Variants in MAOA observed in about 807,000 individuals in gnomAD.
MAOA encodes monoamine oxidase A.
In MAOA, 6 loss-of-function variants were observed where a neutral mutation model predicts 42.0. That is an observed-to-expected ratio of 0.14 (90% CI 0.08 to 0.28). MAOA has a LOEUF of 0.28. Ranked by LOEUF, MAOA falls within the 10% of genes least tolerant of loss-of-function variation. The pLI, the probability that MAOA is intolerant of heterozygous loss-of-function variation, is 1.00. For synonymous variants in MAOA, 140 were observed against 154.0 expected (o/e 0.91, Z 0.67); for missense variants, 262 against 422.3 (o/e 0.62, Z 3.33).
At chrX:43,713,792 C>A (rs1301263569) in intron 5 of MAOA, among the ~76,000 whole-genome samples, 1 of 111,929 alleles carries the variant, frequency 8.9e-6, no homozygotes, top group Non-Finnish European at 1.9e-5. Context: ...ATGAAGCAAT[C>A]TTTAACCTGA....
chrX:43,660,194 G>A (rs2033220932), intron 1 of MAOA, among the ~76,000 whole-genome samples: 1 of 111,118 alleles, frequency 9.0e-6, no homozygotes, highest in South Asian at 3.8e-4. Context: ...CTATTTCTGA[G>A]TTGTTTCACT....
intron 10 of MAOA, among the ~76,000 whole-genome samples, chrX:43,736,577 G>A (rs1465235870): frequency 9.0e-6 from 1 of 111,566 alleles, no homozygotes; most frequent in Non-Finnish European, 1.9e-5. Context: ...TGTAGAAACC[G>A]AATCCCAATC....
At chrX:43,677,175 T>G (rs765064486) in intron 1 of MAOA, among the ~76,000 whole-genome samples, 1 of 111,827 alleles carries the variant, frequency 8.9e-6, no homozygotes, top group Admixed American at 9.5e-5. Flanking sequence ...ATGCCTGAGA[T>G]TTATGCCCTG....
intron 1 of MAOA, among the ~76,000 whole-genome samples, chrX:43,666,114 G>A (rs2033275274): frequency 8.9e-6 from 1 of 112,100 alleles, no homozygotes; most frequent in Non-Finnish European, 1.9e-5. Flanking sequence ...GCATGATTTT[G>A]TTTTCTTAGT....
Position 43,736,245 on chromosome X carries a change from A to G in MAOA, c.1071A>G (p.Lys357=). The change falls in exon 10 of 15, where the codon AAA becomes AAG. Residue 357 remains lysine (K), a synonymous_variant. Transcript: ENST00000338702. ...TCTCCAGCTTCATTCTTGCCCGGAAAGCTGATCGACTTGCTAAGCTACATA... is the reference window on the plus strand; with the variant it reads ...TCTCCAGCTTCATTCTTGCCCGGAAGGCTGATCGACTTGCTAAGCTACATA... ...PAIMGFILAR[K]ADRLAKLHKE... 8.3e-7 allele frequency: 1 copy of G among 1,198,327 alleles called. No individual in the cohort carries two copies. The highest frequency in any genetic ancestry group is 1.1e-6 in the Non-Finnish European group (1 of 885,454).
intron 1 of MAOA, among the ~76,000 whole-genome samples, chrX:43,656,859 T>C (rs2033184507): frequency 9.1e-6 from 1 of 109,699 alleles, no homozygotes; most frequent in Admixed American, 9.8e-5. Context: ...GCAGTACTAA[T>C]TCCTGAGGTG....
intron 2 of MAOA, among the ~76,000 whole-genome samples, chrX:43,689,029 C>CT (rs891292485): frequency 7.2e-5 from 8 of 111,332 alleles, no homozygotes; most frequent in African/African-American, 2.6e-4. Context: ...TTTATTCTGA[C>CT]TTTTTTTCCT....
rs184455758 is a variant in MAOA, at chrX:43,741,907, G to A, written c.1165-43G>A. ...GATATTATTGACTCGCAGCATTTCA[G>A]CTTTGTTTTCTCTTTTGTATTTTCT... On this transcript the variant is annotated intron_variant, in intron 11 of 14. Transcript: ENST00000338702. The A allele has an allele frequency of 2.1e-5, 25 of 1,207,082 alleles. No homozygotes were observed. The East Asian group carries it at 6.8e-4, about 33-fold the overall frequency.
chrX:43,736,884 A>G (rs114003258), intron 10 of MAOA, among the ~76,000 whole-genome samples: 1,132 of 110,821 alleles, frequency 0.01, 21 homozygotes, highest in African/African-American at 0.036. Context: ...TTTTAACATC[A>G]GAGTTATTTG....
At chrX:43,705,139 C>G (rs1026274230) in intron 3 of MAOA, among the ~76,000 whole-genome samples, 9 of 111,550 alleles carry the variant, frequency 8.1e-5, no homozygotes, top group Non-Finnish European at 1.7e-4. Context: ...CCCATAATAG[C>G]CAAAGCAGTT....
intron 10 of MAOA, 56 bp from the exon 11 acceptor site, chrX:43,740,625 C>A: frequency 9.9e-7 from 1 of 1,007,582 alleles, no homozygotes; most frequent in Non-Finnish European, 1.4e-6. Flanking sequence ...ATTCTATACC[C>A]ATCAGTTACT....
chrX:43,710,419 G>T (rs2033691222), intron 3 of MAOA, among the ~76,000 whole-genome samples: 1 of 112,476 alleles, frequency 8.9e-6, no homozygotes, highest in Non-Finnish European at 1.9e-5. Context: ...ACTCAGTTAG[G>T]AGGTGTGCTT....
chrX:43,723,483 CTCTG>C (rs1353048592), intron 5 of MAOA, among the ~76,000 whole-genome samples: 1 of 111,306 alleles, frequency 9.0e-6, no homozygotes. Flanking sequence ...TGATTTGGCT[CTCTG>C]TCTGTTATTG....
intron 1 of MAOA, among the ~76,000 whole-genome samples, chrX:43,674,367 T>C (rs2033369487): frequency 1.8e-5 from 2 of 110,950 alleles, no homozygotes; most frequent in Admixed American, 1.9e-4. Flanking sequence ...GTTTACTGAA[T>C]ACAGCACACT....
At chrX:43,667,641 T>C (rs1183865877) in intron 1 of MAOA, among the ~76,000 whole-genome samples, 1 of 111,656 alleles carries the variant, frequency 9.0e-6, no homozygotes, top group Non-Finnish European at 1.9e-5. Context: ...TGTTTGTGTG[T>C]ACTAGTTTTC....
chrX:43,743,670 A>G, intron 12 of MAOA, 124 bp from the exon 13 acceptor site: 1 of 840,475 alleles, frequency 1.2e-6, no homozygotes, highest in Non-Finnish European at 1.7e-6. Context: ...GCTAAGTCAT[A>G]CGGGTGTTTT....
chrX:43,691,050 T>C (rs1048568654), intron 2 of MAOA, among the ~76,000 whole-genome samples: 1 of 111,064 alleles, frequency 9.0e-6, no homozygotes, highest in Non-Finnish European at 1.9e-5. Flanking sequence ...ACAAGAAGTG[T>C]CTGATAAGAT....
At chrX:43,712,863 G>C in intron 5 of MAOA, 67 bp downstream of exon 5, 2 of 742,286 alleles carry the variant, frequency 2.7e-6, no homozygotes, top group Non-Finnish European at 4.2e-6. Flanking sequence ...ATCTTGCCTT[G>C]AACTGCAGTG....
rs1217338515 is a variant in MAOA at position 43,746,296 on chromosome X, G to A, written c.*1783G>A. On this transcript the variant is annotated 3_prime_UTR_variant, in exon 15 of 15. Coordinates refer to ENST00000338702, the MANE Select transcript of MAOA (RefSeq NM_000240.4). ...TACCCTTTTCAACTTTTTGGAAAAC[G>A]ATTTAATTTATTCTAATTAGATTAA... is the stretch of plus-strand genomic sequence containing the variant. 3 of 112,176 alleles carry A rather than the reference G, an allele frequency of 2.7e-5. No individual in the cohort carries two copies. Among genetic ancestry groups the A allele is most frequent in the Non-Finnish European group, 3.8e-5 (2 of 53,267 alleles). 9.2% of individuals were successfully genotyped at this position (112,176 alleles called of 1,213,427 possible).
Sources: allele counts gnomAD v4.1 joint callset (sites outside exome capture counted in the v4.1 genomes callset), GRCh38; gene constraint gnomAD v4.1.1; transcripts MANE v1.5; gene names NCBI Gene and HGNC (gene_info 2026-07-23, HGNC 2026-07-21).